The following IL1RAPL1 variants were observed in gnomAD, a reference collection of about 807,000 sequenced individuals.
IL1RAPL1 encodes interleukin 1 receptor accessory protein like 1.
Under a neutral mutation model 48.4 loss-of-function variants are expected in IL1RAPL1, and 3 were observed. The ratio of observed to expected loss-of-function variants is 0.06; its 90% CI spans 0.03 to 0.16. The LOEUF is 0.16. Among genes scored for constraint, IL1RAPL1 ranks in the 10% least tolerant of loss-of-function variants. The pLI, the probability that IL1RAPL1 is intolerant of heterozygous loss-of-function variation, is 1.00. For synonymous variants in IL1RAPL1, 185 were observed against 187.7 expected (o/e 0.99, Z 0.12); for missense variants, 349 against 530.6 (o/e 0.66, Z 3.36).
chrX:28,766,949 C>T (rs961654768), intron 1 of IL1RAPL1, among the ~76,000 whole-genome samples: 9 of 111,317 alleles, frequency 8.1e-5, no homozygotes, highest in Non-Finnish European at 1.1e-4. Flanking sequence ...TGTTGATGGA[C>T]GCTTCAGTTG....
At chrX:29,367,146 TC>T (rs991096132) in intron 3 of IL1RAPL1, among the ~76,000 whole-genome samples, 5 of 111,693 alleles carry the variant, frequency 4.5e-5, no homozygotes, top group African/African-American at 1.6e-4. Context: ...TATTTATTCT[TC>T]CCCTGCAATT....
At chrX:28,959,729 T>C (rs1330264540) in intron 2 of IL1RAPL1, among the ~76,000 whole-genome samples, 5 of 112,243 alleles carry the variant, frequency 4.5e-5, no homozygotes, top group Non-Finnish European at 9.4e-5. Flanking sequence ...AAATTTTCTT[T>C]TAGAGATGTT....
chrX:28,815,882 T>TATATATATATAAAA (rs1555926465), intron 2 of IL1RAPL1, among the ~76,000 whole-genome samples: 2 of 75,543 alleles, frequency 2.6e-5, no homozygotes, highest in African/African-American at 9.6e-5. Context: ...TATATATATA[T>TATATATATATAAAA]ATAATTTTTT....
chrX:29,590,015 G>A (rs1477769308), intron 5 of IL1RAPL1, among the ~76,000 whole-genome samples: 1 of 111,074 alleles, frequency 9.0e-6, no homozygotes, highest in Non-Finnish European at 1.9e-5. Context: ...CACTCAGCTG[G>A]TGCCTGGTTT....
At chrX:29,330,881 A>T (rs768792957) in intron 3 of IL1RAPL1, among the ~76,000 whole-genome samples, 2 of 111,650 alleles carry the variant, frequency 1.8e-5, no homozygotes, top group Non-Finnish European at 3.8e-5. Flanking sequence ...AATAATTTTG[A>T]TGAGGCCGGG....
At chrX:29,170,529 A>G (rs1929887117) in intron 2 of IL1RAPL1, among the ~76,000 whole-genome samples, 1 of 111,746 alleles carries the variant, frequency 8.9e-6, no homozygotes, top group Non-Finnish European at 1.9e-5. Flanking sequence ...GATTTCAGAT[A>G]ATACAAACCT....
chrX:28,836,366 C>CAGAG (rs764336117), intron 2 of IL1RAPL1, among the ~76,000 whole-genome samples: 2 of 91,795 alleles, frequency 2.2e-5, no homozygotes, highest in Non-Finnish European at 4.3e-5. Context: ...ATATATATGA[C>CAGAG]AGAGAGAGAG....
intron 5 of IL1RAPL1, among the ~76,000 whole-genome samples, chrX:29,569,920 A>G (rs2147797633): frequency 8.9e-6 from 1 of 112,037 alleles, no homozygotes; most frequent in East Asian, 2.8e-4. Flanking sequence ...GTAATTTAGA[A>G]CCTGTTAGCC....
chrX:29,228,637 G>A (rs1480679543), intron 2 of IL1RAPL1, among the ~76,000 whole-genome samples: 1 of 110,930 alleles, frequency 9.0e-6, no homozygotes, highest in Non-Finnish European at 1.9e-5. Context: ...ACAGGCGTGA[G>A]CCACCGCACC....
At chrX:29,068,915 C>G (rs1927505288) in intron 2 of IL1RAPL1, among the ~76,000 whole-genome samples, 1 of 111,824 alleles carries the variant, frequency 8.9e-6, no homozygotes, top group Non-Finnish European at 1.9e-5. Context: ...GCTTATATTT[C>G]CATTGTAATA....
chrX:29,424,508 G>A (rs1204237954), intron 5 of IL1RAPL1, among the ~76,000 whole-genome samples: 3 of 111,406 alleles, frequency 2.7e-5, no homozygotes, highest in Non-Finnish European at 5.7e-5. Context: ...AATGTTAACC[G>A]TCTTTCTTTA....
At chrX:29,699,676 G>T (rs757375305) in intron 6 of IL1RAPL1, among the ~76,000 whole-genome samples, 1 of 112,084 alleles carries the variant, frequency 8.9e-6, no homozygotes, top group South Asian at 3.7e-4. Flanking sequence ...TCTGTAAAAA[G>T]TTACTAACTC....
chrX:29,550,341 G>A (rs926865593), intron 5 of IL1RAPL1, among the ~76,000 whole-genome samples: 7 of 110,595 alleles, frequency 6.3e-5, no homozygotes, highest in Non-Finnish European at 1.1e-4. Flanking sequence ...ACAGGCGCCC[G>A]CCACCACGCC....
intron 5 of IL1RAPL1, among the ~76,000 whole-genome samples, chrX:29,595,836 TC>T (rs1923529379): frequency 8.9e-6 from 1 of 111,855 alleles, no homozygotes; most frequent in Admixed American, 9.5e-5. Context: ...AGGGTTTTTT[TC>T]AACGTTATCT....
intron 6 of IL1RAPL1, among the ~76,000 whole-genome samples, chrX:29,803,341 GTATATATGTATA>G: frequency 2.9e-5 from 2 of 68,137 alleles, no homozygotes; most frequent in African/African-American, 1.4e-4. Flanking sequence ...ATACACATAT[GTATATATGTATA>G]CATGTATACA....
At chrX:29,153,298 A>G (rs1389708819) in intron 2 of IL1RAPL1, among the ~76,000 whole-genome samples, 3 of 111,589 alleles carry the variant, frequency 2.7e-5, no homozygotes, top group African/African-American at 9.8e-5. Flanking sequence ...AGTCCTAATT[A>G]TATCTGCTAC....
At chrX:29,885,990 T>C (rs929405613) in intron 6 of IL1RAPL1, among the ~76,000 whole-genome samples, 1 of 112,144 alleles carries the variant, frequency 8.9e-6, no homozygotes, top group African/African-American at 3.2e-5. Context: ...AAAAGATTGA[T>C]TTTGCATGAT....
At chrX:29,668,566 C>A in intron 6 of IL1RAPL1, 62 bp downstream of exon 6, 2 of 825,197 alleles carry the variant, frequency 2.4e-6, no homozygotes, top group Non-Finnish European at 3.6e-6. Context: ...AGTTAATAAG[C>A]CTAGATTGTA....
chrX:29,171,225 G>C (rs1929901305), intron 2 of IL1RAPL1, among the ~76,000 whole-genome samples: 2 of 111,615 alleles, frequency 1.8e-5, no homozygotes, highest in Non-Finnish European at 1.9e-5. Context: ...TTGAACTCCT[G>C]ACCTCAGGTG....
Sources: allele counts gnomAD v4.1 joint callset (sites outside exome capture counted in the v4.1 genomes callset), GRCh38; gene constraint gnomAD v4.1.1; transcripts MANE v1.5; gene names NCBI Gene and HGNC (gene_info 2026-07-23, HGNC 2026-07-21).